CLSTN1: variants seen among roughly 807,000 people sequenced by gnomAD.
The protein encoded by CLSTN1 is calsyntenin-1.
In CLSTN1, 28 loss-of-function variants were observed where a neutral mutation model predicts 108.3. The observed-to-expected ratio is 0.26, with a 90% CI of 0.19 to 0.35. The LOEUF (loss-of-function observed/expected upper bound fraction) is 0.35. Among genes scored for constraint, CLSTN1 ranks in the 10% least tolerant of loss-of-function variants. CLSTN1 has a pLI of 1.00. For missense variants in CLSTN1, 1,157 were observed against 1,302.6 expected (o/e 0.89, Z 1.72); for synonymous variants, 524 against 534.9 (o/e 0.98, Z 0.28).
At position 9,812,539 on chromosome 1, in the gene CLSTN1, C is replaced by A. The variant is rs909169215; in HGVS notation, c.91+11104G>T. Reference sequence around the variant, plus strand: ...CCAGGAGCCAGGCATAGAAGGGCCCCAGGGTTGGTTTAAAAACCTATTGCT... The same window carrying A: ...CCAGGAGCCAGGCATAGAAGGGCCCAAGGGTTGGTTTAAAAACCTATTGCT... On this transcript the variant is annotated intron_variant, in intron 1 of 18. Coordinates refer to ENST00000377298, the MANE Select transcript of CLSTN1 (RefSeq NM_001009566.3). Among the ~76,000 whole-genome samples the A allele has an allele frequency of 3.9e-5, 6 of 152,192 alleles. No individual in the cohort carries two copies. In the East Asian group the frequency reaches 1.2e-3, roughly 29 times the overall value.
chr1:9,743,732 T>TG (rs1651097493), intron 9 of CLSTN1, 152 bp downstream of exon 9: 1 of 824,766 alleles, frequency 1.2e-6, no homozygotes, highest in African/African-American at 1.7e-5. Context: ...GGGTTTTTTT[T>TG]TTTTTGTAGG....
chr1:9,757,863 C>G (rs903266984), intron 2 of CLSTN1, among the ~76,000 whole-genome samples: 3 of 152,318 alleles, frequency 2.0e-5, no homozygotes, highest in African/African-American at 4.8e-5. Context: ...TTCTCTCCCC[C>G]AAAGGTAACA....
At chr1:9,741,048 G>A in intron 10 of CLSTN1, 46 bp downstream of exon 10, 1 of 1,592,366 alleles carries the variant, frequency 6.3e-7, no homozygotes, top group South Asian at 1.1e-5. Flanking sequence ...TAGTAAAGAG[G>A]TACAACTTAA....
rs757989425 is a variant in CLSTN1, at chr1:9,737,559, GGAA to G, written c.1520-8_1520-6del. 1.9e-6 allele frequency: 3 copies of G among 1,613,732 alleles called. No individual in the cohort carries two copies. In the East Asian group the frequency reaches 6.7e-5, roughly 36 times the overall value. Reference sequence around the variant, plus strand: ...CATTTTCAACTCCTGAAAACTCTGTGGAAAAGCAAGACAAAGACAATAGAAAAG... The same window carrying G: ...CATTTTCAACTCCTGAAAACTCTGTGAAGCAAGACAAAGACAATAGAAAAG... On this transcript the variant is annotated splice_polypyrimidine_tract_variant and splice_region_variant and intron_variant, in intron 10 of 18. Transcript: ENST00000377298.
intron 2 of CLSTN1, 36 bp downstream of exon 2, chr1:9,773,236 C>A (rs747386667): frequency 6.2e-7 from 1 of 1,612,400 alleles, no homozygotes; most frequent in South Asian, 1.1e-5. Flanking sequence ...TGACCAGGCC[C>A]GATTCATCAA....
rs919479492 is a variant in CLSTN1, at chr1:9,823,055, G to A, written c.91+588C>T. On this transcript the variant is annotated intron_variant, in intron 1 of 18. Transcript: ENST00000377298. This position sits in a 1 kb window ranked among gnomAD's most constrained non-coding sequence, Gnocchi z 6.3. ...CCACTGGAAACAGACAACGTCTGAA[G>A]GACTCTGGGAGGAGGCGGAAAGGGG... 1.3e-5 allele frequency among the ~76,000 whole-genome samples: 2 copies of A among 152,236 alleles called. No individual in the cohort carries two copies. Among genetic ancestry groups the A allele is most frequent in the African/African-American group, 2.4e-5 (1 of 41,464 alleles).
intron 1 of CLSTN1, among the ~76,000 whole-genome samples, chr1:9,784,172 CAAAAAAA>C (rs34315931): frequency 6.9e-4 from 58 of 83,714 alleles, no homozygotes; most frequent in African/African-American, 2.1e-3. Context: ...AACTCTATCT[CAAAAAAA>C]AAAAAAAAAA....
At position 9,823,665 on chromosome 1, in the gene CLSTN1, G is replaced by T; in HGVS notation, c.69C>A (p.Gly23=). 1 of 1,178,000 alleles carries T rather than the reference G, an allele frequency of 8.5e-7. No individual in the cohort carries two copies. The highest frequency in any genetic ancestry group is 1.1e-6 in the Non-Finnish European group (1 of 952,260). The allele number at this position is 1,178,000 out of a possible 1,614,324, so 73.0% of individuals were successfully genotyped here. A position where few individuals can be genotyped will look rare whatever the true frequency, so the allele number is the denominator to read the frequency against. Residue 23 remains glycine, a synonymous_variant, in exon 1 of 19, where the codon GGC becomes GGA. Transcript: ENST00000377298. This position sits in a 1 kb window ranked among gnomAD's most constrained non-coding sequence, Gnocchi z 6.3. ...TACCTCGCGCGGCCCAGACCCCGCC[G>T]CCGCACAGCAGCCCGGCCAGCAGCA... ...ARLLLAGLLC[G]GGVWAARVNK... is the part of the protein sequence containing the mutation.
At chr1:9,789,909 G>A (rs537194525) in intron 1 of CLSTN1, among the ~76,000 whole-genome samples, 1 of 151,524 alleles carries the variant, frequency 6.6e-6, no homozygotes, top group African/African-American at 2.4e-5. Flanking sequence ...AGCCTGGCTG[G>A]TAGAGGCTGC....
Position 9,730,991 on chromosome 1 carries a change from C to G in CLSTN1, c.2748+215G>C, listed in dbSNP as rs1650351603. The stretch of plus-strand genomic sequence containing the variant: ...TTACCATGACCCAAGAGCGCCAAGC[C>G]CTGGCATGGCTCTTCTCTACACTTA... On this transcript the variant is annotated intron_variant, in intron 18 of 18. Coordinates refer to ENST00000377298, the MANE Select transcript of CLSTN1 (RefSeq NM_001009566.3). This position sits in a 1 kb window ranked among gnomAD's most constrained non-coding sequence, Gnocchi z 5.6. 1.1e-5 allele frequency: 7 copies of G among 643,130 alleles called. No homozygotes were observed. Among genetic ancestry groups the G allele is most frequent in the Non-Finnish European group, 1.9e-5 (7 of 373,094 alleles). 39.8% of individuals were successfully genotyped at this position (643,130 alleles called of 1,614,324 possible). A position where few individuals can be genotyped will look rare whatever the true frequency, so the allele number is the denominator to read the frequency against.
intron 1 of CLSTN1, among the ~76,000 whole-genome samples, chr1:9,802,719 C>G (rs1288118314): frequency 2.6e-5 from 4 of 152,084 alleles, no homozygotes; most frequent in Non-Finnish European, 5.9e-5. Context: ...GGCAACTTCA[C>G]TTGTTTCCTC....
rs756322715 is a variant in CLSTN1 at position 9,733,563 on chromosome 1, G to A, written c.2282-17C>T. 1 of 1,613,316 alleles carries A rather than the reference G, an allele frequency of 6.2e-7. No homozygotes were observed. Among genetic ancestry groups the A allele is most frequent in the Non-Finnish European group, 8.5e-7 (1 of 1,179,762 alleles). On this transcript the variant is annotated splice_polypyrimidine_tract_variant and intron_variant, in intron 15 of 18. Coordinates refer to ENST00000377298, the MANE Select transcript of CLSTN1 (RefSeq NM_001009566.3). ...TGTCCACGCCTGCAGGGGTTGAAAGGGGGAAGATTGCCGGGTGGCTTAGGG... is the reference window on the plus strand; with the variant it reads ...TGTCCACGCCTGCAGGGGTTGAAAGAGGGAAGATTGCCGGGTGGCTTAGGG...
chr1:9,742,994 TCTTTTA>T (rs1052103658), intron 9 of CLSTN1, among the ~76,000 whole-genome samples: 16 of 152,352 alleles, frequency 1.1e-4, no homozygotes, highest in African/African-American at 2.9e-4. Context: ...TCATTTATTC[TCTTTTA>T]CTTTTATCTA....
intron 1 of CLSTN1, among the ~76,000 whole-genome samples, chr1:9,822,023 G>T (rs1655209216): frequency 6.6e-6 from 1 of 152,184 alleles, no homozygotes; most frequent in African/African-American, 2.4e-5. Flanking sequence ...AAATGTAGGT[G>T]CTATTTAAGA....
intron 1 of CLSTN1, among the ~76,000 whole-genome samples, chr1:9,819,375 G>C (rs2101352892): frequency 6.6e-6 from 1 of 152,076 alleles, no homozygotes; most frequent in South Asian, 2.1e-4. Flanking sequence ...ATTTAGACTT[G>C]GTTTAATAAG....
At chr1:9,781,915 G>A (rs1653270212) in intron 1 of CLSTN1, among the ~76,000 whole-genome samples, 1 of 152,124 alleles carries the variant, frequency 6.6e-6, no homozygotes. Flanking sequence ...GTGACTTGTT[G>A]ACATTTCCAC....
intron 1 of CLSTN1, among the ~76,000 whole-genome samples, chr1:9,812,122 G>A (rs1654783334): frequency 6.6e-6 from 1 of 152,166 alleles, no homozygotes; most frequent in African/African-American, 2.4e-5. Context: ...GGGCAACAGA[G>A]CAAGACTCCG....
intron 11 of CLSTN1, among the ~76,000 whole-genome samples, chr1:9,736,953 G>A (rs1428355587): frequency 6.6e-6 from 1 of 152,050 alleles, no homozygotes; most frequent in Non-Finnish European, 1.5e-5. Context: ...CATGCCTGTA[G>A]TCCCAGCTAC....
intron 1 of CLSTN1, chr1:9,781,148 C>T (rs1446792055): frequency 6.5e-6 from 5 of 770,982 alleles, no homozygotes; most frequent in Non-Finnish European, 1.2e-5. Context: ...GCTTTGTGAA[C>T]AAGAAATTAA....
Sources: gnomAD v4.1 joint callset for allele counts (sites outside exome capture counted in the v4.1 genomes callset) on GRCh38, gnomAD v4.1.1 for gene constraint, Gnocchi (gnomAD v3.1) non-coding constraint, MANE v1.5 for transcripts, NCBI Gene and HGNC (gene_info 2026-07-23, HGNC 2026-07-21) for gene names.